Variants in TRPC5 observed in about 807,000 individuals in gnomAD.
The protein encoded by TRPC5 is transient receptor potential cation channel subfamily C member 5, also known as short transient receptor potential channel 5.
Under a neutral mutation model 56.5 loss-of-function variants are expected in TRPC5, and 9 were observed. The ratio of observed to expected loss-of-function variants is 0.16; its 90% CI spans 0.10 to 0.28. The LOEUF (loss-of-function observed/expected upper bound fraction) is 0.28. Among genes scored for constraint, TRPC5 ranks in the 10% least tolerant of loss-of-function variants. TRPC5 has a pLI of 1.00. For synonymous variants in TRPC5, 282 were observed against 278.5 expected (o/e 1.01, Z -0.13); for missense variants, 469 against 748.9 (o/e 0.63, Z 4.36).
In TRPC5 at chrX:111,776,597, C is replaced by A. The variant is rs1473048556; in HGVS notation, c.2638G>T (p.Asp880Tyr). ...GIVQQHCMWQ[D>Y]IRYSQMEKGK... ...TTCTCCATCTGAGAATATCTGATGT[C>A]CTGCCACATACAGTGCTGCTGAACA... The change falls in exon 11 of 11, where the codon GAC becomes TAC. Residue 880 changes from aspartate to tyrosine, a missense_variant. By Grantham distance (160) the Asp-to-Tyr change is radical. This residue lies in a region of TRPC5 where 194 missense variants were observed against 221.8 expected (regional missense o/e 0.87). Transcript: ENST00000262839. 1 of 1,210,176 alleles carries A rather than the reference C, an allele frequency of 8.3e-7. No homozygotes were observed. The highest frequency in any genetic ancestry group is 1.1e-6 in the Non-Finnish European group (1 of 895,336).
At chrX:112,034,197 T>C (rs957494604) in intron 1 of TRPC5, among the ~76,000 whole-genome samples, 2 of 111,787 alleles carry the variant, frequency 1.8e-5, no homozygotes, top group Non-Finnish European at 3.8e-5. Flanking sequence ...TAAATTGCAC[T>C]GAATCTGTAG....
At chrX:111,933,016 G>A (rs185724668) in intron 2 of TRPC5, among the ~76,000 whole-genome samples, 24 of 112,266 alleles carry the variant, frequency 2.1e-4, no homozygotes, top group African/African-American at 7.4e-4. Flanking sequence ...CCAGCTCAAA[G>A]ACTATTTATT....
chrX:111,931,892 T>C (rs1166498916), intron 2 of TRPC5, among the ~76,000 whole-genome samples: 1 of 112,089 alleles, frequency 8.9e-6, no homozygotes, highest in Non-Finnish European at 1.9e-5. Context: ...GCATGTTATA[T>C]ACCTAGGATG....
intron 2 of TRPC5, among the ~76,000 whole-genome samples, chrX:111,946,094 A>G (rs941941885): frequency 2.7e-5 from 3 of 112,263 alleles, no homozygotes; most frequent in African/African-American, 9.7e-5. Flanking sequence ...AGAAAATGAA[A>G]TTTAGCAGAG....
At chrX:112,040,870 T>C (rs992348886) in intron 1 of TRPC5, among the ~76,000 whole-genome samples, 2 of 111,905 alleles carry the variant, frequency 1.8e-5, no homozygotes, top group African/African-American at 3.2e-5. Flanking sequence ...TGTTTCAGAG[T>C]TGAAGGAAAT....
chrX:111,914,601 A>G (rs1925919818), intron 2 of TRPC5, among the ~76,000 whole-genome samples: 1 of 112,237 alleles, frequency 8.9e-6, no homozygotes, highest in African/African-American at 3.2e-5. Flanking sequence ...TAGTTGAAAG[A>G]TGACTGCATA....
intron 2 of TRPC5, among the ~76,000 whole-genome samples, chrX:111,932,495 G>A (rs1314261614): frequency 7.4e-5 from 8 of 107,955 alleles, no homozygotes; most frequent in African/African-American, 2.0e-4. Flanking sequence ...GAGTGTCAAA[G>A]ACCAACATGG....
At chrX:112,031,452 C>T (rs1234022355) in intron 1 of TRPC5, among the ~76,000 whole-genome samples, 1 of 111,829 alleles carries the variant, frequency 8.9e-6, no homozygotes, top group East Asian at 2.8e-4. Flanking sequence ...TCCAATCTTA[C>T]TGTTTCCAAT....
intron 1 of TRPC5, among the ~76,000 whole-genome samples, chrX:112,005,975 G>A (rs992016263): frequency 1.8e-5 from 2 of 111,274 alleles, no homozygotes; most frequent in African/African-American, 6.6e-5. Context: ...GGAAGGTGGC[G>A]GCGGGGGGCA....
At chrX:111,941,805 G>A (rs2098953473) in intron 2 of TRPC5, among the ~76,000 whole-genome samples, 1 of 111,955 alleles carries the variant, frequency 8.9e-6, no homozygotes, top group Non-Finnish European at 1.9e-5. Context: ...GTGAGGGATG[G>A]TGCACCATGT....
chrX:111,912,959 C>G lies in TRPC5; in HGVS notation c.379-147G>C, dbSNP rs1234525808. ...ACCTCCTAAACCTCCTTCCTTATAG[C>G]TAATGTTTGTGGGATGCTTATTGTG... On this transcript the variant is annotated intron_variant, in intron 2 of 10. Coordinates refer to ENST00000262839, the MANE Select transcript of TRPC5 (RefSeq NM_012471.3). The G allele has an allele frequency of 1.5e-5, 9 of 614,607 alleles. No homozygotes were observed. The Admixed American group carries it at 1.6e-4, about 11-fold the overall frequency. The allele number at this position is 614,607 out of a possible 1,213,427, so 50.7% of individuals were successfully genotyped here. A position where few individuals can be genotyped will look rare whatever the true frequency, so the allele number is the denominator to read the frequency against.
At chrX:111,857,677 G>A (rs1458975714) in intron 3 of TRPC5, among the ~76,000 whole-genome samples, 1 of 112,439 alleles carries the variant, frequency 8.9e-6, no homozygotes, top group Non-Finnish European at 1.9e-5. Context: ...CTGTTGCAGT[G>A]CAAACTCAGC....
intron 1 of TRPC5, among the ~76,000 whole-genome samples, chrX:112,072,262 A>G (rs1602424325): frequency 8.9e-6 from 1 of 112,130 alleles, no homozygotes; most frequent in South Asian, 3.8e-4. Context: ...GAGGATAAAA[A>G]CAGCATTTCC....
intron 7 of TRPC5, among the ~76,000 whole-genome samples, chrX:111,814,238 C>T (rs915463165): frequency 3.6e-5 from 4 of 111,313 alleles, no homozygotes; most frequent in African/African-American, 1.3e-4. Context: ...CATTCCTCAG[C>T]AAGTATTCCC....
rs1241955270 is a variant in TRPC5 at position 111,961,013 on chromosome X, T to C, written c.-21-8572A>G. ...TTTTAGTGCAGACGAGGTTTCACCA[T>C]ATTGGCAAGGCTGGTCTCAAACTCC... On this transcript the variant is annotated intron_variant, in intron 1 of 10. Transcript: ENST00000262839. 5.4e-5 allele frequency among the ~76,000 whole-genome samples: 6 copies of C among 110,639 alleles called. No homozygotes were observed. The Admixed American group carries it at 5.8e-4, about 11-fold the overall frequency.
chrX:111,837,901 G>A (rs1256758922), intron 6 of TRPC5, among the ~76,000 whole-genome samples: 4 of 78,855 alleles, frequency 5.1e-5, no homozygotes, highest in South Asian at 6.7e-4. Flanking sequence ...ACAAAGCCCC[G>A]TTATCAAAAA....
intron 1 of TRPC5, among the ~76,000 whole-genome samples, chrX:112,028,260 T>C (rs1453654099): frequency 9.0e-6 from 1 of 110,847 alleles, no homozygotes; most frequent in Non-Finnish European, 1.9e-5. Context: ...AACTTAGTGC[T>C]TTTAACTTTT....
At chrX:112,029,605 C>T (rs1020503081) in intron 1 of TRPC5, among the ~76,000 whole-genome samples, 1 of 111,654 alleles carries the variant, frequency 9.0e-6, no homozygotes, top group Non-Finnish European at 1.9e-5. Flanking sequence ...ATTTACATTT[C>T]CACCAGCAGT....
intron 2 of TRPC5, among the ~76,000 whole-genome samples, chrX:111,936,274 G>C (rs1350615979): frequency 9.0e-6 from 1 of 111,167 alleles, no homozygotes; most frequent in Non-Finnish European, 1.9e-5. Context: ...CATACAGAAA[G>C]GTTAATGACT....
Sources: allele counts gnomAD v4.1 joint callset (sites outside exome capture counted in the v4.1 genomes callset), GRCh38; gene constraint gnomAD v4.1.1; regional missense constraint gnomAD v4.1.1; transcripts MANE v1.5; gene names NCBI Gene and HGNC (gene_info 2026-07-23, HGNC 2026-07-21).